The following MRAS variants were observed in gnomAD, a reference collection of about 807,000 sequenced individuals.
The protein encoded by MRAS is ras-related protein M-Ras.
In MRAS, 4 loss-of-function variants were observed where a neutral mutation model predicts 20.9. That is an observed-to-expected ratio of 0.19 (90% confidence interval 0.09 to 0.44). The LOEUF (loss-of-function observed/expected upper bound fraction) is 0.44. Among genes scored for constraint, MRAS ranks in the 20% least tolerant of loss-of-function variants. The pLI, the probability that MRAS is intolerant of heterozygous loss-of-function variation, is 0.99. For synonymous variants in MRAS, 98 were observed against 102.9 expected (o/e 0.95, Z 0.29); for missense variants, 154 against 277.5 (o/e 0.56, Z 3.16).
At chr3:138,361,073 C>T (rs954330077) in intron 1 of MRAS, among the ~76,000 whole-genome samples, 8 of 152,354 alleles carry the variant, frequency 5.3e-5, no homozygotes, top group Non-Finnish European at 2.9e-5. Context: ...AGCACTTGCG[C>T]TGCCACCTGC....
chr3:138,379,236 C>T (rs1299087937), intron 2 of MRAS, among the ~76,000 whole-genome samples: 1 of 152,100 alleles, frequency 6.6e-6, no homozygotes, highest in Non-Finnish European at 1.5e-5. Context: ...TCCATGAAAT[C>T]CACTGTTTTA....
chr3:138,370,579 GT>G (rs1560170389), intron 1 of MRAS, among the ~76,000 whole-genome samples: 1 of 152,060 alleles, frequency 6.6e-6, no homozygotes, highest in East Asian at 1.9e-4. Flanking sequence ...GCCTCAGCCC[GT>G]CCCGTGTTGT....
intron 2 of MRAS, among the ~76,000 whole-genome samples, chr3:138,375,990 AAAAAC>A (rs970878866): frequency 1.3e-5 from 2 of 152,226 alleles, no homozygotes; most frequent in African/African-American, 4.8e-5. Context: ...TCCCTCTCAA[AAAAAC>A]AAAACAAAAC....
chr3:138,376,834 A>G (rs996499422), intron 2 of MRAS, among the ~76,000 whole-genome samples: 2 of 152,190 alleles, frequency 1.3e-5, no homozygotes, highest in African/African-American at 4.8e-5. Context: ...CACAGGGGTC[A>G]TTTTTTGCAC....
Position 138,402,411 on chromosome 3 carries a change from G to C in MRAS, c.*142G>C, listed in dbSNP as rs2055379384. On this transcript the variant is annotated 3_prime_UTR_variant, in exon 6 of 6. Coordinates refer to ENST00000423968, the MANE Select transcript of MRAS (RefSeq NM_001085049.3). ...GGAAGGGAGAAGGGCAGGTGGGCAGGGAGCAGACAGGGTCTGGCTTTGCCC... is the reference window on the plus strand; with the variant it reads ...GGAAGGGAGAAGGGCAGGTGGGCAGCGAGCAGACAGGGTCTGGCTTTGCCC... 2 of 723,400 alleles carry C rather than the reference G, an allele frequency of 2.8e-6. No homozygotes were observed. Among genetic ancestry groups the C allele is most frequent in the African/African-American group, 1.8e-5 (1 of 56,030 alleles). The allele number at this position is 723,400 out of a possible 1,614,324, so 44.8% of individuals were successfully genotyped here. A position where few individuals can be genotyped will look rare whatever the true frequency, so the allele number is the denominator to read the frequency against.
chr3:138,368,269 A>T (rs1560169045), intron 1 of MRAS, among the ~76,000 whole-genome samples: 1 of 151,264 alleles, frequency 6.6e-6, no homozygotes, highest in African/African-American at 2.4e-5. Context: ...AATGAGAGAG[A>T]GTGTGTGTGT....
chr3:138,397,481 A>G lies in MRAS; in HGVS notation c.347+4A>G, dbSNP rs1447536745. The G allele has an allele frequency of 2.5e-6, 4 of 1,613,938 alleles. No homozygotes were observed. The African/African-American group carries it at 4.0e-5, about 16-fold the overall frequency. On this transcript the variant is annotated splice_donor_region_variant and intron_variant, in intron 3 of 5. Coordinates refer to ENST00000423968, the MANE Select transcript of MRAS (RefSeq NM_001085049.3). ...TTATCCTGCGCGTCAAAGACAGGTG[A>G]GCATCAAAGACAGGTGAGAGTACCG...
intron 1 of MRAS, among the ~76,000 whole-genome samples, chr3:138,351,882 C>A (rs1333733026): frequency 6.6e-6 from 1 of 152,130 alleles, no homozygotes; most frequent in Non-Finnish European, 1.5e-5. Flanking sequence ...ACATATAATT[C>A]AGGGGATTCA....
At chr3:138,357,759 TAACAGGCATCC>T (rs775933582) in intron 1 of MRAS, among the ~76,000 whole-genome samples, 10 of 152,220 alleles carry the variant, frequency 6.6e-5, no homozygotes, top group Admixed American at 6.5e-5. Flanking sequence ...TTATTGCATG[TAACAGGCATCC>T]ACCAAGGGCT....
chr3:138,358,248 A>G (rs2054374209), intron 1 of MRAS, among the ~76,000 whole-genome samples: 2 of 152,084 alleles, frequency 1.3e-5, no homozygotes, highest in Non-Finnish European at 2.9e-5. Context: ...GAGGCAGGAG[A>G]GTCGCTTGAA....
Position 138,373,075 on chromosome 3 carries a change from C to T in MRAS, c.192C>T (p.Asp64=), listed in dbSNP as rs373753637. Reference sequence around the variant, plus strand: ...TTGACAATCAATGGGCCATCTTGGACGGTGAGACCTGGGTGGCAGCCCTGC... The same window carrying T: ...TTGACAATCAATGGGCCATCTTGGATGGTGAGACCTGGGTGGCAGCCCTGC... ...TEIDNQWAIL[D]VLDTAGQEEF... Residue 64 remains aspartate, a splice_region_variant and synonymous_variant, in exon 2 of 6, where the codon GAC becomes GAT. Coordinates refer to ENST00000423968, the MANE Select transcript of MRAS (RefSeq NM_001085049.3). 3.3e-5 allele frequency: 48 copies of T among 1,466,612 alleles called. No homozygotes were observed. Among genetic ancestry groups the T allele is most frequent in the East Asian group, 8.2e-5 (3 of 36,764 alleles). 90.8% of individuals were successfully genotyped at this position (1,466,612 alleles called of 1,614,324 possible).
chr3:138,390,697 G>A (rs1242795772), intron 2 of MRAS, among the ~76,000 whole-genome samples: 1 of 152,220 alleles, frequency 6.6e-6, no homozygotes, highest in African/African-American at 2.4e-5. Flanking sequence ...GCTAGACAAG[G>A]GGTGGGCTAG....
At position 138,404,169 on chromosome 3, in the gene MRAS, C is replaced by G. The variant is rs1236697658; in HGVS notation, c.*1900C>G. On this transcript the variant is annotated 3_prime_UTR_variant, in exon 6 of 6. Coordinates refer to ENST00000423968, the MANE Select transcript of MRAS (RefSeq NM_001085049.3). ...AAAGCTCTTCCCAATCCTTATGCTT[C>G]CCTAAGTGGTATCTGCAGCAGTTTG... 4 of 152,190 alleles carry G rather than the reference C, an allele frequency of 2.6e-5. No individual in the cohort carries two copies. Among genetic ancestry groups the G allele is most frequent in the Admixed American group, 2.6e-4 (4 of 15,278 alleles). 9.4% of individuals were successfully genotyped at this position (152,190 alleles called of 1,614,324 possible). A position where few individuals can be genotyped will look rare whatever the true frequency, so the allele number is the denominator to read the frequency against.
chr3:138,375,969 C>G (rs2054775243), intron 2 of MRAS, among the ~76,000 whole-genome samples: 1 of 152,156 alleles, frequency 6.6e-6, no homozygotes, highest in South Asian at 2.1e-4. Flanking sequence ...GCCTGGGCAA[C>G]AGAGTGAGAC....
intron 2 of MRAS, among the ~76,000 whole-genome samples, chr3:138,377,254 AAT>A (rs747294547): frequency 6.6e-6 from 1 of 152,222 alleles, no homozygotes; most frequent in Non-Finnish European, 1.5e-5. Flanking sequence ...CTTCCTCGGG[AAT>A]AGACACCAGA....
intron 1 of MRAS, among the ~76,000 whole-genome samples, chr3:138,351,299 G>C (rs2054222153): frequency 6.6e-6 from 1 of 152,196 alleles, no homozygotes; most frequent in Non-Finnish European, 1.5e-5. Flanking sequence ...AACTGAATGG[G>C]AATGCATTCT....
At chr3:138,361,835 C>T (rs2054454422) in intron 1 of MRAS, among the ~76,000 whole-genome samples, 1 of 152,190 alleles carries the variant, frequency 6.6e-6, no homozygotes, top group Non-Finnish European at 1.5e-5. Flanking sequence ...CTGCAGGAGT[C>T]CTCCTCTTTC....
intron 1 of MRAS, among the ~76,000 whole-genome samples, chr3:138,364,055 AGCAAGCCTTTGAGGGCTT>A (rs1416539852): frequency 6.6e-6 from 1 of 152,196 alleles, no homozygotes; most frequent in Non-Finnish European, 1.5e-5. Flanking sequence ...ACGTTCATTC[AGCAAGCCTTTGAGGGCTT>A]GCTTTCCTGG....
intron 2 of MRAS, among the ~76,000 whole-genome samples, chr3:138,386,818 T>C (rs1227805623): frequency 1.3e-5 from 2 of 152,218 alleles, no homozygotes; most frequent in Non-Finnish European, 2.9e-5. Flanking sequence ...CACCAGTCAA[T>C]GGACATTTGG....
Sources: gnomAD v4.1 joint callset for allele counts (sites outside exome capture counted in the v4.1 genomes callset) on GRCh38, gnomAD v4.1.1 for gene constraint, MANE v1.5 for transcripts, NCBI Gene and HGNC (gene_info 2026-07-23, HGNC 2026-07-21) for gene names.